The following OR2T2 variants were observed in gnomAD, a reference collection of about 807,000 sequenced individuals.
OR2T2 encodes the protein olfactory receptor 2T2.
For missense variants in OR2T2, 138 were observed against 409.1 expected (o/e 0.34, Z 5.72); for synonymous variants, 50 against 162.7 (o/e 0.31, Z 5.27).
exon 3 of OR2T2, chr1:248,455,179 T>C (rs528928292): frequency 6.9e-6 from 1 of 145,806 alleles, no homozygotes; most frequent in Non-Finnish European, 1.5e-5. Flanking sequence ...GGACCTGGTG[T>C]TTATTTTCTT....
intron 1 of OR2T2, among the ~76,000 whole-genome samples, chr1:248,446,206 C>G (rs534723266): frequency 7.0e-6 from 1 of 142,632 alleles, no homozygotes; most frequent in Non-Finnish European, 1.5e-5. Flanking sequence ...TTTATTGAAC[C>G]CATAAGGCAT....
chr1:248,450,264 A>G (rs1453736982), intron 2 of OR2T2, among the ~76,000 whole-genome samples: 1 of 144,392 alleles, frequency 6.9e-6, no homozygotes, highest in Non-Finnish European at 1.5e-5. Context: ...AGATGCACAC[A>G]CCACACATAC....
intron 2 of OR2T2, among the ~76,000 whole-genome samples, chr1:248,448,436 AT>A (rs1378586080): frequency 3.7e-3 from 175 of 46,918 alleles, no homozygotes; most frequent in African/African-American, 0.018. Context: ...TATGGTATAT[AT>A]ATAGGGCTCA....
At chr1:248,446,170 T>C (rs1662641329) in intron 1 of OR2T2, among the ~76,000 whole-genome samples, 1 of 145,038 alleles carries the variant, frequency 6.9e-6, no homozygotes, top group East Asian at 1.9e-4. Context: ...CATGATTTTT[T>C]TTTTTCATTT....
chr1:248,447,074 T>C (rs112805169), intron 2 of OR2T2, among the ~76,000 whole-genome samples: 2,780 of 148,860 alleles, frequency 0.019, 18 homozygotes, highest in African/African-American at 0.07. Context: ...TAAAGGGGGG[T>C]GGTAACTAAG....
chr1:248,446,869 TAGTA>T (rs1662672167), intron 2 of OR2T2, 58 bp downstream of exon 2: 1 of 147,568 alleles, frequency 6.8e-6, no homozygotes, highest in Admixed American at 6.6e-5. Flanking sequence ...ACTTCTGGCA[TAGTA>T]AGTGTTCAGT....
intron 2 of OR2T2, among the ~76,000 whole-genome samples, chr1:248,452,392 G>T (rs1214037335): frequency 2.0e-5 from 1 of 50,348 alleles, no homozygotes; most frequent in African/African-American, 1.4e-4. Context: ...AAATCATTTC[G>T]CTAGGCGAAA....
intron 2 of OR2T2, among the ~76,000 whole-genome samples, chr1:248,450,604 T>C (rs1162412625): frequency 2.0e-5 from 3 of 152,224 alleles, no homozygotes; most frequent in Non-Finnish European, 4.4e-5. Context: ...CAAAAGTAAT[T>C]GGTTATTTTC....
intron 2 of OR2T2, among the ~76,000 whole-genome samples, chr1:248,450,265 C>T (rs1662763381): frequency 6.9e-6 from 1 of 144,480 alleles, no homozygotes; most frequent in African/African-American, 2.8e-5. Flanking sequence ...GATGCACACA[C>T]CACACATACC....
At chr1:248,453,697 A>T in exon 3 of OR2T2, 1 of 1,592,780 alleles carries the variant, frequency 6.3e-7, no homozygotes, top group Non-Finnish European at 8.5e-7. Flanking sequence ...ATGTGGCTGC[A>T]GCTCTGAGGA....
chr1:248,453,777 G>A (rs764099203), exon 3 of OR2T2: 7 of 1,525,728 alleles, frequency 4.6e-6, no homozygotes, highest in Non-Finnish European at 6.2e-6. Context: ...GGCTAGCAGG[G>A]ACTCCCACAG....
intron 2 of OR2T2, among the ~76,000 whole-genome samples, chr1:248,449,762 A>G (rs756168): frequency 0.25 from 17,563 of 69,164 alleles, 441 homozygotes; most frequent in East Asian, 0.33. Context: ...GAAATCATTC[A>G]CCGCCTTGAA....
chr1:248,446,271 A>T (rs1333447974), intron 1 of OR2T2, among the ~76,000 whole-genome samples: 1 of 144,370 alleles, frequency 6.9e-6, no homozygotes, highest in Non-Finnish European at 1.5e-5. Flanking sequence ...GTCTCCTAGA[A>T]GCCATCTTAG....
intron 2 of OR2T2, among the ~76,000 whole-genome samples, chr1:248,448,474 G>GT (rs1462128145): frequency 3.4e-5 from 1 of 29,470 alleles, no homozygotes; most frequent in South Asian, 1.1e-3. Flanking sequence ...CAGATATCCA[G>GT]TGGGGGTCTT....
chr1:248,450,242 C>G (rs1335219058), intron 2 of OR2T2, among the ~76,000 whole-genome samples: 1 of 147,202 alleles, frequency 6.8e-6, no homozygotes, highest in Non-Finnish European at 1.5e-5. Flanking sequence ...ACACATATCC[C>G]CACCCACTCA....
exon 3 of OR2T2, chr1:248,453,930 T>C: frequency 1.2e-6 from 1 of 862,602 alleles, no homozygotes; most frequent in South Asian, 1.5e-5. Context: ...ACAGAAAATA[T>C]GGTATTGGTT....
At chr1:248,446,875 G>C (rs1300097571) in intron 2 of OR2T2, 64 bp downstream of exon 2, 1 of 147,016 alleles carries the variant, frequency 6.8e-6, no homozygotes, top group Admixed American at 6.6e-5. Context: ...GGCATAGTAA[G>C]TGTTCAGTAA....
intron 1 of OR2T2, 58 bp from the exon 2 acceptor site, chr1:248,446,531 G>GCCCCGCCCCGCC (rs1662659910): frequency 9.6e-6 from 1 of 104,074 alleles, no homozygotes; most frequent in Non-Finnish European, 2.1e-5. Flanking sequence ...GCCTCACCTC[G>GCCCCGCCCCGCC]CCTCTGCTGC....
exon 3 of OR2T2, chr1:248,453,731 T>C (rs775690958): frequency 8.1e-6 from 13 of 1,604,656 alleles, no homozygotes; most frequent in Non-Finnish European, 1.1e-5. Context: ...ATGTGGTTCC[T>C]CCCAGAGCAT....
Sources: allele counts gnomAD v4.1 joint callset (sites outside exome capture counted in the v4.1 genomes callset), GRCh38; gene constraint gnomAD v4.1.1; transcripts MANE v1.5; gene names NCBI Gene and HGNC (gene_info 2026-07-23, HGNC 2026-07-21).